NPTN: variants seen among roughly 807,000 people sequenced by gnomAD.
NPTN encodes SDR-1.
NPTN carries 5 observed loss-of-function variants against 42.7 expected under a neutral mutation model. That is an observed-to-expected ratio of 0.12 (90% CI 0.06 to 0.25). The LOEUF is 0.25. NPTN is among the 10% of genes least tolerant of loss of function. NPTN has a pLI of 1.00. For synonymous variants in NPTN, 180 were observed against 201.9 expected (o/e 0.89, Z 0.92); for missense variants, 307 against 525.4 (o/e 0.58, Z 4.06).
At chr15:73,595,942 A>T (rs1413497907) in intron 2 of NPTN, among the ~76,000 whole-genome samples, 1 of 152,226 alleles carries the variant, frequency 6.6e-6, no homozygotes, top group Non-Finnish European at 1.5e-5. Context: ...CCAGCTGGTC[A>T]GCTCACCCCA....
chr15:73,569,717 A>C lies in NPTN; in HGVS notation c.1114+433T>G. 1 of 985,462 alleles carries C rather than the reference A, an allele frequency of 1.0e-6. No individual in the cohort carries two copies. The highest frequency in any genetic ancestry group is 1.2e-6 in the Non-Finnish European group (1 of 829,932). The allele number at this position is 985,462 out of a possible 1,614,324, so 61.0% of individuals were successfully genotyped here. A position where few individuals can be genotyped will look rare whatever the true frequency, so the allele number is the denominator to read the frequency against. On this transcript the variant is annotated intron_variant, in intron 6 of 8. Transcript: ENST00000345330. The surrounding 1 kb of genome is among the most constrained non-coding windows in gnomAD (Gnocchi z 4.1). Reference sequence around the variant, plus strand: ...CATGTGACAACCAGTTAGATACCTTAAATCTGCCTGAAAGGCCAGGTGGCC... The same window carrying C: ...CATGTGACAACCAGTTAGATACCTTCAATCTGCCTGAAAGGCCAGGTGGCC...
intron 1 of NPTN, among the ~76,000 whole-genome samples, chr15:73,622,836 A>T (rs1898201482): frequency 6.6e-6 from 1 of 152,202 alleles, no homozygotes. Context: ...GGGTTGCCAT[A>T]TTACGTAAAT....
chr15:73,627,412 C>T (rs1473354662), intron 1 of NPTN, among the ~76,000 whole-genome samples: 3 of 152,142 alleles, frequency 2.0e-5, no homozygotes, highest in East Asian at 1.9e-4. Context: ...ATGTTTCCCT[C>T]GAGCTGACTA....
chr15:73,589,983 A>G (rs901617181), intron 3 of NPTN, among the ~76,000 whole-genome samples: 9 of 151,752 alleles, frequency 5.9e-5, no homozygotes, highest in Non-Finnish European at 1.3e-4. Context: ...CAAGCTCTGA[A>G]GAAAGACCTG....
chr15:73,607,233 T>C lies in NPTN; in HGVS notation c.92-9864A>G, dbSNP rs1254152432. Among the ~76,000 whole-genome samples, 3 of 152,214 alleles carry C rather than the reference T, an allele frequency of 2.0e-5. No homozygotes were observed. In the East Asian group the frequency reaches 5.8e-4, roughly 29 times the overall value. On this transcript the variant is annotated intron_variant, in intron 1 of 8. Coordinates refer to ENST00000345330, the MANE Select transcript of NPTN (RefSeq NM_012428.4). ...TTTAACACGTTATCATTTTTTTTTC[T>C]TTAGCAAGTTGAATAAACCATTCTC...
chr15:73,633,182 G>C lies in NPTN; in HGVS notation c.34C>G (p.Leu12Val). The change falls in exon 1 of 9, where the codon CTC (leucine) becomes GTC (valine). Residue 12 changes from leucine to valine, a missense_variant. Around this residue, in one of 2 missense-constraint regions of NPTN, gnomAD observed 43 missense variants for 34.3 expected, o/e 1.25. Coordinates refer to ENST00000345330, the MANE Select transcript of NPTN (RefSeq NM_012428.4). Reference sequence around the variant, plus strand: ...GAGCCAGAGACCAGCAACAGCGAGAGGGCCAGGGCGCTGGGCAGCGACGAA... The same window carrying C: ...GAGCCAGAGACCAGCAACAGCGAGACGGCCAGGGCGCTGGGCAGCGACGAA... ...SGSSLPSALA[L>V]SLLLVSGSLL... The C allele has an allele frequency of 1.3e-6, 2 of 1,525,816 alleles. No homozygotes were observed. The highest frequency in any genetic ancestry group is 1.8e-6 in the Non-Finnish European group (2 of 1,142,614). 94.5% of individuals were successfully genotyped at this position (1,525,816 alleles called of 1,614,324 possible).
At chr15:73,612,095 C>A (rs913104116) in intron 1 of NPTN, among the ~76,000 whole-genome samples, 1 of 152,136 alleles carries the variant, frequency 6.6e-6, no homozygotes, top group Non-Finnish European at 1.5e-5. Flanking sequence ...TAGTAATGGT[C>A]ACCTATCTTG....
chr15:73,632,561 G>C (rs773664749), intron 1 of NPTN: 1 of 152,264 alleles, frequency 6.6e-6, no homozygotes, highest in Non-Finnish European at 1.5e-5. Context: ...AAGGTTCCCT[G>C]ATTCTTTACC....
chr15:73,568,970 C>G, intron 6 of NPTN: 1 of 985,564 alleles, frequency 1.0e-6, no homozygotes, highest in Non-Finnish European at 1.2e-6. Context: ...CACATTCTTT[C>G]TGAGGGAGCA....
intron 4 of NPTN, among the ~76,000 whole-genome samples, chr15:73,585,032 T>C (rs1035229417): frequency 2.6e-5 from 4 of 152,198 alleles, no homozygotes; most frequent in African/African-American, 9.7e-5. Flanking sequence ...CTAGGCTAAA[T>C]GCTTCACTTC....
chr15:73,612,455 G>A (rs1305204500), intron 1 of NPTN, among the ~76,000 whole-genome samples: 1 of 151,410 alleles, frequency 6.6e-6, no homozygotes, highest in Non-Finnish European at 1.5e-5. Context: ...AAGAAAACAT[G>A]GGACTCTTAA....
chr15:73,576,276 G>A (rs181537491), intron 4 of NPTN, among the ~76,000 whole-genome samples: 9 of 152,328 alleles, frequency 5.9e-5, no homozygotes, highest in Admixed American at 1.3e-4. Flanking sequence ...TAGCATGGTC[G>A]TGAAGAAAAT....
chr15:73,625,915 A>C (rs1237316171), intron 1 of NPTN, among the ~76,000 whole-genome samples: 1 of 152,222 alleles, frequency 6.6e-6, no homozygotes, highest in Non-Finnish European at 1.5e-5. Flanking sequence ...AACAGATAAC[A>C]AAGTAGTACC....
chr15:73,624,926 G>C (rs1832819050), intron 1 of NPTN, among the ~76,000 whole-genome samples: 1 of 152,016 alleles, frequency 6.6e-6, no homozygotes, highest in Non-Finnish European at 1.5e-5. Flanking sequence ...TTTTTCTAAA[G>C]TTCTAAAAGG....
intron 2 of NPTN, among the ~76,000 whole-genome samples, chr15:73,593,102 G>C (rs16958041): frequency 7.2e-5 from 11 of 151,882 alleles, no homozygotes; most frequent in Non-Finnish European, 1.5e-4. Flanking sequence ...TCTATTCTGC[G>C]CTTAGATAAC....
intron 1 of NPTN, among the ~76,000 whole-genome samples, chr15:73,601,974 C>T (rs557853826): frequency 4.0e-5 from 6 of 151,858 alleles, no homozygotes; most frequent in Admixed American, 1.3e-4. Context: ...GACTAGCAGC[C>T]GGAGAAAAGG....
chr15:73,583,427 G>C (rs1471686296), intron 4 of NPTN, among the ~76,000 whole-genome samples: 1 of 152,134 alleles, frequency 6.6e-6, no homozygotes, highest in Non-Finnish European at 1.5e-5. Context: ...TTCTCAACTG[G>C]AAAGTAGAGA....
At chr15:73,605,103 G>T (rs542550341) in intron 1 of NPTN, among the ~76,000 whole-genome samples, 3 of 146,162 alleles carry the variant, frequency 2.1e-5, no homozygotes, top group East Asian at 2.0e-4. Context: ...GTCTCAAGGG[G>T]GGGGGGGGAA....
In NPTN at chr15:73,570,311, G is replaced by A. The variant is rs1039383369; in HGVS notation, c.953C>T (p.Ala318Val). 3 of 1,614,226 alleles carry A rather than the reference G, an allele frequency of 1.9e-6. No individual in the cohort carries two copies. The highest frequency in any genetic ancestry group is 2.5e-6 in the Non-Finnish European group (3 of 1,180,034). ...TEDPGEYECN[A>V]TNAIGSASVV... ...AGAGGCGGAGCCAATGGCGTTGGTG[G>A]CATTACATTCATACTCGCCAGGGTC... The change falls in exon 6 of 9, where the codon GCC becomes GTC. Residue 318 changes from alanine (A) to valine (V), a missense_variant. Ala to Val is a moderately conservative substitution (Grantham distance 64). This residue lies in a region of NPTN where 264 missense variants were observed against 491.1 expected (regional missense o/e 0.54). Coordinates refer to ENST00000345330, the MANE Select transcript of NPTN (RefSeq NM_012428.4). This position sits in a 1 kb window ranked among gnomAD's most constrained non-coding sequence, Gnocchi z 4.0.
Sources: allele counts gnomAD v4.1 joint callset (sites outside exome capture counted in the v4.1 genomes callset), GRCh38; gene constraint gnomAD v4.1.1; regional missense constraint gnomAD v4.1.1; non-coding constraint Gnocchi (gnomAD v3.1); transcripts MANE v1.5; gene names NCBI Gene and HGNC (gene_info 2026-07-23, HGNC 2026-07-21).